The following AHR variants were observed in gnomAD, a reference collection of about 807,000 sequenced individuals.
The protein encoded by AHR is aryl hydrocarbon receptor.
In AHR, 40 loss-of-function variants were observed where a neutral mutation model predicts 86.8. The ratio of observed to expected loss-of-function variants is 0.46; its 90% CI spans 0.36 to 0.60. The LOEUF is 0.60. Among genes scored for constraint, AHR ranks in the 20% least tolerant of loss-of-function variants. The probability of loss-of-function intolerance (pLI) is 0.00; values close to 1 mark genes in which losing one functional copy is unlikely to be tolerated. For synonymous variants in AHR, 398 were observed against 354.9 expected (o/e 1.12, Z -1.37); for missense variants, 1,001 against 1,011.6 (o/e 0.99, Z 0.14).
Position 17,310,021 on chromosome 7 carries a change from G to T in AHR, c.151G>T (p.Ala51Ser). The stretch of plus-strand genomic sequence containing the variant: ...ACTTAATACAGAGTTGGACCGTTTG[G>T]CTAGCCTGCTGCCTTTCCCACAAGA... ...DRLNTELDRLASLLPFPQDVI... is the reference protein window; with the variant it reads ...DRLNTELDRLSSLLPFPQDVI... Residue 51 changes from alanine (A) to serine (S), a missense_variant, in exon 2 of 11, where the codon GCT becomes TCT. By Grantham distance (99) the Ala-to-Ser change is moderately conservative. This residue lies in a region of AHR where 394 missense variants were observed against 468.5 expected (regional missense o/e 0.84). Transcript: ENST00000242057. 1.2e-6 allele frequency: 2 copies of T among 1,613,922 alleles called. No individual in the cohort carries two copies. Among genetic ancestry groups the T allele is most frequent in the Non-Finnish European group, 1.7e-6 (2 of 1,179,886 alleles).
intron 2 of AHR, among the ~76,000 whole-genome samples, chr7:17,319,092 A>G (rs975912606): frequency 7.9e-5 from 12 of 152,268 alleles, no homozygotes; most frequent in African/African-American, 2.6e-4. Flanking sequence ...TAGTTACCAT[A>G]GTAATCCTAT....
At chr7:17,310,745 A>G (rs778708674) in intron 2 of AHR, among the ~76,000 whole-genome samples, 3 of 152,096 alleles carry the variant, frequency 2.0e-5, no homozygotes, top group Non-Finnish European at 4.4e-5. Flanking sequence ...TATATTGGCC[A>G]GGCTGCTCTC....
chr7:17,315,049 T>G (rs1189194521), intron 2 of AHR, among the ~76,000 whole-genome samples: 1 of 152,050 alleles, frequency 6.6e-6, no homozygotes, highest in Non-Finnish European at 1.5e-5. Flanking sequence ...GAAACTCTAA[T>G]TACAATATTC....
intron 2 of AHR, among the ~76,000 whole-genome samples, chr7:17,312,219 G>A (rs1004527788): frequency 1.3e-5 from 2 of 152,188 alleles, no homozygotes; most frequent in African/African-American, 4.8e-5. Context: ...TGTGTAAGAC[G>A]TGGTTGCCAC....
intron 2 of AHR, among the ~76,000 whole-genome samples, chr7:17,316,104 C>T (rs866224268): frequency 2.0e-5 from 3 of 152,090 alleles, no homozygotes; most frequent in Non-Finnish European, 4.4e-5. Context: ...AAGATACTTT[C>T]ATTTGATGTG....
intron 6 of AHR, among the ~76,000 whole-genome samples, chr7:17,332,648 C>G (rs189069320): frequency 6.6e-6 from 1 of 151,914 alleles, no homozygotes; most frequent in East Asian, 1.9e-4. Flanking sequence ...TGGCTGTACA[C>G]TGTGTTTAAG....
chr7:17,315,775 A>C (rs926475358), intron 2 of AHR, among the ~76,000 whole-genome samples: 4 of 151,782 alleles, frequency 2.6e-5, no homozygotes, highest in African/African-American at 9.7e-5. Context: ...TTATATTAAA[A>C]TCTGAAGAAA....
At chr7:17,310,531 C>G (rs1782052463) in intron 2 of AHR, among the ~76,000 whole-genome samples, 2 of 150,432 alleles carry the variant, frequency 1.3e-5, no homozygotes, top group Admixed American at 1.3e-4. Flanking sequence ...ACGTATATTT[C>G]TAATCTTTTT....
chr7:17,310,441 AAAAAG>A (rs1355667969), intron 2 of AHR, among the ~76,000 whole-genome samples: 2 of 152,106 alleles, frequency 1.3e-5, no homozygotes, highest in Non-Finnish European at 2.9e-5. Flanking sequence ...TTTTTTAAAA[AAAAAG>A]AAAAGATAAA....
intron 9 of AHR, among the ~76,000 whole-genome samples, chr7:17,336,415 C>G (rs1157086293): frequency 6.6e-6 from 1 of 152,100 alleles, no homozygotes; most frequent in Non-Finnish European, 1.5e-5. Flanking sequence ...TCTATTTTGT[C>G]TAGCATTACA....
chr7:17,325,564 T>C (rs1273640593), intron 3 of AHR, among the ~76,000 whole-genome samples: 2 of 152,364 alleles, frequency 1.3e-5, no homozygotes, highest in African/African-American at 2.4e-5. Flanking sequence ...AGAATCACCA[T>C]TGTTTATCCT....
At chr7:17,302,259 A>G (rs963543189) in intron 1 of AHR, among the ~76,000 whole-genome samples, 1 of 152,052 alleles carries the variant, frequency 6.6e-6, no homozygotes, top group Non-Finnish European at 1.5e-5. Flanking sequence ...TTAAGCCATT[A>G]TGAAGTGTCA....
intron 1 of AHR, among the ~76,000 whole-genome samples, chr7:17,300,497 T>G (rs534699717): frequency 4.6e-5 from 7 of 152,314 alleles, no homozygotes; most frequent in African/African-American, 1.7e-4. Context: ...AATTTTAGTT[T>G]CCTTTCAGAA....
chr7:17,303,874 A>C (rs1337337603), intron 1 of AHR, among the ~76,000 whole-genome samples: 1 of 152,170 alleles, frequency 6.6e-6, no homozygotes, highest in Middle Eastern at 3.4e-3. Context: ...TCCATCATCA[A>C]TCTGGGGATG....
At chr7:17,302,801 C>CAA (rs1366332462) in intron 1 of AHR, among the ~76,000 whole-genome samples, 1 of 139,184 alleles carries the variant, frequency 7.2e-6, no homozygotes, top group African/African-American at 2.6e-5. Flanking sequence ...TAAAACAGAA[C>CAA]AAAAAAAAAA....
At chr7:17,323,202 T>C (rs933431580) in intron 3 of AHR, among the ~76,000 whole-genome samples, 3 of 152,148 alleles carry the variant, frequency 2.0e-5, no homozygotes, top group African/African-American at 7.2e-5. Flanking sequence ...ATTTTAGAGG[T>C]TCTAATTTAA....
At chr7:17,321,214 T>C (rs1782168845) in intron 2 of AHR, among the ~76,000 whole-genome samples, 1 of 152,086 alleles carries the variant, frequency 6.6e-6, no homozygotes, top group Admixed American at 6.6e-5. Context: ...AAGATTATGC[T>C]TTATAACCAA....
intron 3 of AHR, among the ~76,000 whole-genome samples, chr7:17,326,254 T>C (rs1782229134): frequency 6.6e-6 from 1 of 152,176 alleles, no homozygotes; most frequent in Non-Finnish European, 1.5e-5. Context: ...TTGTTATCTT[T>C]GTAGTCAAGT....
Position 17,309,981 on chromosome 7 carries a change from G to A in AHR, c.111G>A (p.Lys37=), listed in dbSNP as rs371321791. The part of the protein sequence containing the change: ...PAEGIKSNPS[K]RHRDRLNTEL... ...AAGGAATCAAGTCAAATCCTTCCAA[G>A]CGGCATAGAGACCGACTTAATACAG... The change falls in exon 2 of 11, where the codon AAG becomes AAA. Residue 37 remains lysine, a synonymous_variant. Coordinates refer to ENST00000242057, the MANE Select transcript of AHR (RefSeq NM_001621.5). 2.4e-4 allele frequency: 391 copies of A among 1,607,390 alleles called. No individual in the cohort carries two copies. The highest frequency in any genetic ancestry group is 3.2e-4 in the Non-Finnish European group (374 of 1,175,380).
Sources: gnomAD v4.1 joint callset for allele counts (sites outside exome capture counted in the v4.1 genomes callset) on GRCh38, gnomAD v4.1.1 for gene constraint, gnomAD v4.1.1 regional missense constraint, MANE v1.5 for transcripts, NCBI Gene and HGNC (gene_info 2026-07-23, HGNC 2026-07-21) for gene names.